The following CIITA variants were observed in gnomAD, a reference collection of about 807,000 sequenced individuals.
The protein encoded by CIITA is class II major histocompatibility complex transactivator.
Under a neutral mutation model 115.1 loss-of-function variants are expected in CIITA, and 72 were observed. The ratio of observed to expected loss-of-function variants is 0.63; its 90% CI spans 0.52 to 0.76. The LOEUF (loss-of-function observed/expected upper bound fraction) is 0.76. CIITA is among the 30% of genes least tolerant of loss of function. The pLI is 0.00. For synonymous variants in CIITA, 763 were observed against 635.6 expected, an observed-to-expected ratio of 1.20 and a Z score of -3.02; for missense variants, 1,617 against 1,463.8, an observed-to-expected ratio of 1.10 and a Z score of -1.71.
rs1247929374 is a variant in CIITA, at chr16:10,906,862, A to G, written c.1370A>G (p.Asn457Ser). 2 of 1,613,248 alleles carry G rather than the reference A, an allele frequency of 1.2e-6. No homozygotes were observed. The highest frequency in any genetic ancestry group is 1.7e-6 in the Non-Finnish European group (2 of 1,179,976). The change falls in exon 11 of 20, where the codon AAC (asparagine) becomes AGC (serine). Residue 457 changes from asparagine to serine, a missense_variant. Coordinates refer to ENST00000324288, the MANE Select transcript of CIITA (RefSeq NM_000246.4). ...TTCTCTGTCCCCTGCCATTGCTTGA[A>G]CCGTCCGGGGGATGCCTATGGCCTG... ...FVFSVPCHCLNRPGDAYGLQD... is the reference protein window; with the variant it reads ...FVFSVPCHCLSRPGDAYGLQD...
chr16:10,882,395 C>CA (rs2036518807), intron 1 of CIITA, among the ~76,000 whole-genome samples: 1 of 152,034 alleles, frequency 6.6e-6, no homozygotes, highest in Non-Finnish European at 1.5e-5. Flanking sequence ...GGCATGGCAG[C>CA]AGAGGGCAGC....
chr16:10,938,763 C>G (rs1329669926), downstream of CIITA: 1 of 152,220 alleles, frequency 6.6e-6, no homozygotes, highest in Non-Finnish European at 1.5e-5. The surrounding 1 kb of genome is among the most constrained non-coding windows in gnomAD (Gnocchi z 4.9). Flanking sequence ...CCCCACTTCC[C>G]AGGGTCAGGC....
At position 10,907,141 on chromosome 16, in the gene CIITA, G is replaced by C. The variant is rs773228525; in HGVS notation, c.1649G>C (p.Arg550Pro). The C allele has an allele frequency of 6.2e-7, 1 of 1,612,662 alleles. No individual in the cohort carries two copies. The highest frequency in any genetic ancestry group is 8.5e-7 in the Non-Finnish European group (1 of 1,179,826). The stretch of plus-strand genomic sequence containing the variant: ...ACCCTCCTCCTCACAGCCCGGCCCC[G>C]GGGCCGCCTGGTCCAGAGCCTGAGC... Reference protein sequence around the residue: ...GCTLLLTARPRGRLVQSLSKA... With the variant: ...GCTLLLTARPPGRLVQSLSKA... The change falls in exon 11 of 20, where the codon CGG becomes CCG. Residue 550 changes from arginine to proline, a missense_variant. Physicochemically the swap from Arg to Pro is moderately radical, Grantham distance 103. Coordinates refer to ENST00000324288, the MANE Select transcript of CIITA (RefSeq NM_000246.4). This position sits in a 1 kb window ranked among gnomAD's most constrained non-coding sequence, Gnocchi z 5.0.
intron 1 of CIITA, chr16:10,888,680 CA>C (rs917810638): frequency 3.3e-5 from 5 of 152,218 alleles, no homozygotes; most frequent in African/African-American, 7.2e-5. Flanking sequence ...GGTGGTGGCC[CA>C]GGGGGAAGCA....
At chr16:10,922,045 A>G in intron 16 of CIITA, 122 bp from the exon 17 acceptor site, 1 of 853,756 alleles carries the variant, frequency 1.2e-6, no homozygotes, top group Non-Finnish European at 2.0e-6. Flanking sequence ...TGCAATAAAT[A>G]TTGATTCCTT....
intron 1 of CIITA, among the ~76,000 whole-genome samples, chr16:10,886,157 C>T (rs1391654576): frequency 6.6e-6 from 1 of 150,872 alleles, no homozygotes; most frequent in Non-Finnish European, 1.5e-5. Context: ...AGGCTGGTCT[C>T]AAACTCCTGA....
In CIITA at chr16:10,898,980, T is replaced by C. The variant is rs745772598; in HGVS notation, c.414T>C (p.Val138=). The change falls in exon 5 of 20, where the codon GTT becomes GTC. Residue 138 remains valine, a synonymous_variant. Coordinates refer to ENST00000324288, the MANE Select transcript of CIITA (RefSeq NM_000246.4). The stretch of plus-strand genomic sequence containing the variant: ...AGAGTATGGAGATGCCAGCAGAAGT[T>C]GGGCAGAAAAGTCAGAAAAGACGTG... ...IGESMEMPAE[V]GQKSQKRPFP... 3.1e-6 allele frequency: 5 copies of C among 1,614,034 alleles called. No homozygotes were observed. In the South Asian group the frequency reaches 5.5e-5, roughly 18 times the overall value.
intron 16 of CIITA, 22 bp downstream of exon 16, chr16:10,918,548 G>C: frequency 6.2e-7 from 1 of 1,608,806 alleles, no homozygotes; most frequent in Non-Finnish European, 8.5e-7. Flanking sequence ...CCCGGATACC[G>C]GTCAGGTGCT....
downstream of CIITA, chr16:10,938,748 G>A (rs2041063214): frequency 6.6e-6 from 1 of 152,200 alleles, no homozygotes; most frequent in Admixed American, 6.5e-5. The surrounding 1 kb of genome is among the most constrained non-coding windows in gnomAD (Gnocchi z 4.9). Context: ...CACTTCTCCA[G>A]GCCTCCCCAC....
rs112574103 is a variant in CIITA, at chr16:10,908,464, A to G, written c.2657+315A>G. The G allele has an allele frequency of 6.1e-4, 297 of 487,448 alleles. 3 individuals are homozygous for G. The highest frequency in any genetic ancestry group is 5.3e-3 in the African/African-American group (272 of 51,508). 30.2% of individuals were successfully genotyped at this position (487,448 alleles called of 1,614,324 possible). A position where few individuals can be genotyped will look rare whatever the true frequency, so the allele number is the denominator to read the frequency against. On this transcript the variant is annotated intron_variant, in intron 11 of 19. Coordinates refer to ENST00000324288, the MANE Select transcript of CIITA (RefSeq NM_000246.4). ...GTTTTATTCTTTCCACCCCCTGAGC[A>G]CGCCACCGTTTTCTTATGCTAAGAG...
At chr16:10,869,522 C>CTT (rs113683242) in intron 1 of CIITA, among the ~76,000 whole-genome samples, 10,621 of 146,070 alleles carry the variant, frequency 0.073, 1,188 homozygotes, top group African/African-American at 0.24. Context: ...TTTTTCCCCA[C>CTT]TTTTTTTTTT....
intron 9 of CIITA, among the ~76,000 whole-genome samples, chr16:10,904,135 G>T (rs1330762141): frequency 6.6e-6 from 1 of 152,194 alleles, no homozygotes; most frequent in African/African-American, 2.4e-5. Context: ...TTGTTACCCA[G>T]CAGAAAAGCC....
downstream of CIITA, chr16:10,939,535 C>G (rs1179449087): frequency 6.6e-6 from 1 of 152,310 alleles, no homozygotes; most frequent in Non-Finnish European, 1.5e-5. This position sits in a 1 kb window ranked among gnomAD's most constrained non-coding sequence, Gnocchi z 4.9. Context: ...ACCTGAAGGT[C>G]TTGGCACCAC....
chr16:10,912,180 T>A (rs1441123546), intron 13 of CIITA, among the ~76,000 whole-genome samples: 2 of 152,086 alleles, frequency 1.3e-5, no homozygotes, highest in African/African-American at 4.8e-5. Flanking sequence ...AGTGGTATGA[T>A]CTTGGCTCAC....
At chr16:10,909,686 T>A (rs1452610292) in intron 12 of CIITA, among the ~76,000 whole-genome samples, 1 of 152,250 alleles carries the variant, frequency 6.6e-6, no homozygotes, top group Non-Finnish European at 1.5e-5. Context: ...AAGTGCCTAA[T>A]CTGAGGCTCA....
intron 1 of CIITA, among the ~76,000 whole-genome samples, chr16:10,895,044 C>T (rs2037982281): frequency 6.6e-6 from 1 of 152,176 alleles, no homozygotes; most frequent in African/African-American, 2.4e-5. Flanking sequence ...ATGGAATCCA[C>T]ACTTTCCAGT....
chr16:10,938,197 T>G (rs1257835423), downstream of CIITA: 2 of 152,110 alleles, frequency 1.3e-5, no homozygotes, highest in Admixed American at 6.5e-5. The surrounding 1 kb of genome is among the most constrained non-coding windows in gnomAD (Gnocchi z 4.9). Context: ...ATTTCCATCT[T>G]CTAGAAGAGG....
intron 1 of CIITA, among the ~76,000 whole-genome samples, chr16:10,891,552 G>A (rs946234094): frequency 3.9e-5 from 6 of 152,214 alleles, no homozygotes; most frequent in Admixed American, 1.3e-4. Context: ...TCACGGAGTT[G>A]CTAGGATCAG....
Position 10,879,057 on chromosome 16 carries a change from TC to T in CIITA, c.52+1676del, listed in dbSNP as rs2036135120. ...GGGGAACAGCGGTAGGTGACCAAAGTCTCCTCTGTAACCCCTAAGGTCGGGC... is the reference window on the plus strand; with the variant it reads ...GGGGAACAGCGGTAGGTGACCAAAGTTCCTCTGTAACCCCTAAGGTCGGGC... On this transcript the variant is annotated intron_variant, in intron 1 of 19. Transcript: ENST00000324288. The surrounding 1 kb of genome is among the most constrained non-coding windows in gnomAD (Gnocchi z 4.3). The T allele has an allele frequency of 4.8e-6, 1 of 207,818 alleles. No homozygotes were observed. The highest frequency in any genetic ancestry group is 2.3e-5 in the African/African-American group (1 of 43,626). 12.9% of individuals were successfully genotyped at this position (207,818 alleles called of 1,614,324 possible).
Sources: allele counts gnomAD v4.1 joint callset (sites outside exome capture counted in the v4.1 genomes callset), GRCh38; gene constraint gnomAD v4.1.1; non-coding constraint Gnocchi (gnomAD v3.1); transcripts MANE v1.5; gene names NCBI Gene and HGNC (gene_info 2026-07-23, HGNC 2026-07-21).